The following SH3BGRL2 variants were observed in gnomAD, a reference collection of about 807,000 sequenced individuals.
The protein encoded by SH3BGRL2 is SH3 domain-binding glutamic acid-rich-like protein 2.
In SH3BGRL2, 21 loss-of-function variants were observed where a neutral mutation model predicts 14.8. That is an observed-to-expected ratio of 1.42 (90% CI 1.01 to 2.05). The LOEUF is 2.05. Ranked by LOEUF, SH3BGRL2 falls within the 30% of genes most tolerant of loss-of-function variation. The pLI is 0.00. For synonymous variants in SH3BGRL2, 50 were observed against 47.8 expected (o/e 1.05, Z -0.19); for missense variants, 147 against 130.8 (o/e 1.12, Z -0.61).
At chr6:79,542,157 A>G in the SH3BGRL2 span, among the ~76,000 whole-genome samples, 1 of 152,198 alleles carries the variant, frequency 6.6e-6, no homozygotes, top group African/African-American at 2.4e-5. Context: ...GCTGGTGGCC[A>G]TCATGAAGTC....
At chr6:79,575,814 G>A in the SH3BGRL2 span, among the ~76,000 whole-genome samples, 1 of 151,908 alleles carries the variant, frequency 6.6e-6, no homozygotes, top group Non-Finnish European at 1.5e-5. Context: ...CTCAAATTGA[G>A]TCTTTAACTG....
chr6:79,590,424 G>GAGATATATATATATATATATATATATAT, the SH3BGRL2 span, among the ~76,000 whole-genome samples: 1 of 66,666 alleles, frequency 1.5e-5, no homozygotes. Flanking sequence ...AAGAAAATGT[G>GAGATATATATATATATATATATATATAT]ATATATATAT....
chr6:79,589,735 A>C, the SH3BGRL2 span, among the ~76,000 whole-genome samples: 1 of 152,148 alleles, frequency 6.6e-6, no homozygotes, highest in African/African-American at 2.4e-5. Flanking sequence ...AATAAAAAAA[A>C]CTACAACATT....
At chr6:79,577,320 T>A in the SH3BGRL2 span, among the ~76,000 whole-genome samples, 4 of 151,392 alleles carry the variant, frequency 2.6e-5, no homozygotes, top group African/African-American at 9.7e-5. Context: ...TTCTTCTCCT[T>A]TTTTCTCCTC....
chr6:79,633,396 A>G (rs1242635238), intron 1 of SH3BGRL2, among the ~76,000 whole-genome samples: 2 of 152,188 alleles, frequency 1.3e-5, no homozygotes, highest in Non-Finnish European at 2.9e-5. Flanking sequence ...TGCTTGAACA[A>G]TATACCTACC....
the SH3BGRL2 span, among the ~76,000 whole-genome samples, chr6:79,538,913 G>A: frequency 1.3e-5 from 2 of 152,180 alleles, no homozygotes; most frequent in African/African-American, 2.4e-5. Context: ...CACAAGGTAC[G>A]AAAGTAGTAA....
chr6:79,683,806 A>G (rs1770041280), intron 2 of SH3BGRL2, among the ~76,000 whole-genome samples: 1 of 152,140 alleles, frequency 6.6e-6, no homozygotes, highest in Non-Finnish European at 1.5e-5. Context: ...TGGACATTCC[A>G]TTCACATTTC....
In SH3BGRL2 at chr6:79,700,491, C is replaced by A. The variant is rs1432214534; in HGVS notation, c.*982C>A. The A allele has an allele frequency of 6.6e-6, 1 of 152,082 alleles. No individual in the cohort carries two copies. Among genetic ancestry groups the A allele is most frequent in the East Asian group, 1.9e-4 (1 of 5,186 alleles). The allele number at this position is 152,082 out of a possible 1,614,324, so 9.4% of individuals were successfully genotyped here. On this transcript the variant is annotated 3_prime_UTR_variant, in exon 4 of 4. Coordinates refer to ENST00000369838, the MANE Select transcript of SH3BGRL2 (RefSeq NM_031469.4). ...CCTTGATTAGACATATTAAAATATACCAATGTTGTAGTAAAATTTAATTTT... is the reference window on the plus strand; with the variant it reads ...CCTTGATTAGACATATTAAAATATAACAATGTTGTAGTAAAATTTAATTTT...
intron 1 of SH3BGRL2, among the ~76,000 whole-genome samples, chr6:79,637,179 G>T (rs955326929): frequency 6.6e-6 from 1 of 152,074 alleles, no homozygotes; most frequent in African/African-American, 2.4e-5. Flanking sequence ...CCCAAGTGAA[G>T]ATCTAACCTC....
At chr6:79,633,862 C>A (rs1768872556) in intron 1 of SH3BGRL2, among the ~76,000 whole-genome samples, 1 of 152,114 alleles carries the variant, frequency 6.6e-6, no homozygotes, top group Non-Finnish European at 1.5e-5. Flanking sequence ...ATATTTAGGT[C>A]AATTCTTGGG....
intron 1 of SH3BGRL2, among the ~76,000 whole-genome samples, chr6:79,667,737 G>A (rs182834197): frequency 4.0e-4 from 61 of 152,172 alleles, no homozygotes; most frequent in African/African-American, 1.1e-3. Context: ...GTGAGCCACC[G>A]CTCCTGGCCT....
the SH3BGRL2 span, among the ~76,000 whole-genome samples, chr6:79,603,480 A>C: frequency 1.3e-5 from 2 of 152,248 alleles, no homozygotes; most frequent in Non-Finnish European, 2.9e-5. Flanking sequence ...AAGACTTCTC[A>C]CTTGCCAAAA....
intron 2 of SH3BGRL2, among the ~76,000 whole-genome samples, chr6:79,684,975 T>A (rs1342441463): frequency 6.6e-6 from 1 of 152,170 alleles, no homozygotes; most frequent in East Asian, 1.9e-4. Context: ...AATTCTCCTT[T>A]ATGGTTGATT....
chr6:79,550,332 G>A, the SH3BGRL2 span, among the ~76,000 whole-genome samples: 1 of 152,144 alleles, frequency 6.6e-6, no homozygotes, highest in Non-Finnish European at 1.5e-5. Flanking sequence ...ATATCAGAAA[G>A]GAATAAATTC....
At chr6:79,576,304 C>T in the SH3BGRL2 span, among the ~76,000 whole-genome samples, 1 of 152,248 alleles carries the variant, frequency 6.6e-6, no homozygotes, top group African/African-American at 2.4e-5. Flanking sequence ...TGTTCACTTT[C>T]CTTCTTCCTG....
chr6:79,653,076 A>G (rs1346743067), intron 1 of SH3BGRL2, among the ~76,000 whole-genome samples: 1 of 152,192 alleles, frequency 6.6e-6, no homozygotes, highest in Admixed American at 6.5e-5. Context: ...TCACAGATGC[A>G]TGTCTGAGTA....
At chr6:79,666,026 A>G (rs575739422) in intron 1 of SH3BGRL2, among the ~76,000 whole-genome samples, 5 of 152,172 alleles carry the variant, frequency 3.3e-5, no homozygotes, top group Non-Finnish European at 7.3e-5. Flanking sequence ...GGGTTACTCT[A>G]CACCCCTGCC....
intron 2 of SH3BGRL2, among the ~76,000 whole-genome samples, chr6:79,693,264 C>A (rs1582740979): frequency 6.6e-6 from 1 of 152,126 alleles, no homozygotes. Flanking sequence ...TGGGCTGAGA[C>A]AATGGGGTTT....
the SH3BGRL2 span, among the ~76,000 whole-genome samples, chr6:79,566,633 A>G: frequency 6.6e-6 from 1 of 152,162 alleles, no homozygotes; most frequent in Non-Finnish European, 1.5e-5. Context: ...CTCCATTTAT[A>G]TATTTTCCAT....
Sources: gnomAD v4.1 joint callset for allele counts (sites outside exome capture counted in the v4.1 genomes callset) on GRCh38, gnomAD v4.1.1 for gene constraint, MANE v1.5 for transcripts, NCBI Gene and HGNC (gene_info 2026-07-23, HGNC 2026-07-21) for gene names.